PLD5: variants seen among roughly 807,000 people sequenced by gnomAD.
PLD5 encodes inactive phospholipase D5.
PLD5 carries 36 observed loss-of-function variants against 61.1 expected under a neutral mutation model. The ratio of observed to expected loss-of-function variants is 0.59; its 90% CI spans 0.45 to 0.78. The LOEUF is 0.78. PLD5 is among the 30% of genes least tolerant of loss of function. The probability of loss-of-function intolerance (pLI) is 0.00; values close to 1 mark genes in which losing one functional copy is unlikely to be tolerated. For missense variants in PLD5, 515 were observed against 644.4 expected (o/e 0.80, Z 2.17); for synonymous variants, 243 against 242.8 (o/e 1.00, Z -0.01).
chr1:242,283,545 A>C (rs2149130622), intron 3 of PLD5, among the ~76,000 whole-genome samples: 1 of 152,342 alleles, frequency 6.6e-6, no homozygotes, highest in East Asian at 1.9e-4. Flanking sequence ...CAACTAAAAA[A>C]ATATTATCTT....
chr1:242,141,801 C>T lies in PLD5; in HGVS notation c.736-17136G>A, dbSNP rs573192811. ...AAGGCAGGTACAGGAGCAGCCTCCCCTAGAATGAATCAGAATTCTGCTTTT... is the reference window on the plus strand; with the variant it reads ...AAGGCAGGTACAGGAGCAGCCTCCCTTAGAATGAATCAGAATTCTGCTTTT... On this transcript the variant is annotated intron_variant, in intron 5 of 9. Coordinates refer to ENST00000536534, the MANE Select transcript of PLD5 (RefSeq NM_001372062.1). 2.0e-5 allele frequency among the ~76,000 whole-genome samples: 3 copies of T among 152,172 alleles called. No individual in the cohort carries two copies. The East Asian group carries it at 5.8e-4, about 29-fold the overall frequency.
chr1:242,377,105 C>T lies in PLD5; in HGVS notation c.190-28863G>A, dbSNP rs1662007989. 2.5e-6 allele frequency: 4 copies of T among 1,611,724 alleles called. No individual in the cohort carries two copies. In the South Asian group the frequency reaches 4.4e-5, roughly 18 times the overall value. On this transcript the variant is annotated intron_variant, in intron 1 of 9. Transcript: ENST00000536534. ...GTTTGTTCTCCTGTTGGTTATCTTCCCCAGCCCCATTTTGCTTGGACACTG... is the reference window on the plus strand; with the variant it reads ...GTTTGTTCTCCTGTTGGTTATCTTCTCCAGCCCCATTTTGCTTGGACACTG...
chr1:242,187,658 CA>C (rs1667990818), intron 5 of PLD5, among the ~76,000 whole-genome samples: 1 of 152,116 alleles, frequency 6.6e-6, no homozygotes, highest in South Asian at 2.1e-4. Context: ...TTGTTAGATT[CA>C]CAGGCTGTTC....
intron 7 of PLD5, among the ~76,000 whole-genome samples, chr1:242,110,267 A>G (rs983104707): frequency 9.9e-5 from 15 of 151,696 alleles, no homozygotes; most frequent in Non-Finnish European, 1.6e-4. Flanking sequence ...CAAGGGGAGG[A>G]AGAGTGATTT....
rs376754928 is a variant in PLD5 at position 242,405,760 on chromosome 1, C to A, written c.190-57518G>T. 2.0e-5 allele frequency among the ~76,000 whole-genome samples: 3 copies of A among 152,202 alleles called. No individual in the cohort carries two copies. The East Asian group carries it at 5.8e-4, about 29-fold the overall frequency. On this transcript the variant is annotated intron_variant, in intron 1 of 9. Transcript: ENST00000536534. ...GGGATTAGAGGCACCCACTACCACACCTTGCTAATTTTTGTATTTTTAGTA... is the reference window on the plus strand; with the variant it reads ...GGGATTAGAGGCACCCACTACCACAACTTGCTAATTTTTGTATTTTTAGTA...
intron 1 of PLD5, among the ~76,000 whole-genome samples, chr1:242,522,456 G>A (rs1330521713): frequency 1.3e-5 from 2 of 152,170 alleles, no homozygotes; most frequent in South Asian, 2.1e-4. Flanking sequence ...TGCGTGCACC[G>A]CTCATGACTC....
intron 5 of PLD5, among the ~76,000 whole-genome samples, chr1:242,129,958 A>G (rs1663101956): frequency 6.6e-6 from 1 of 152,152 alleles, no homozygotes; most frequent in African/African-American, 2.4e-5. Context: ...CCATGTTGCT[A>G]TAAAAGACAT....
chr1:242,311,207 A>T (rs1408563011), intron 2 of PLD5, among the ~76,000 whole-genome samples: 2 of 152,178 alleles, frequency 1.3e-5, no homozygotes, highest in African/African-American at 4.8e-5. Flanking sequence ...ACTAAAAAAA[A>T]GTTTTTTTGG....
At chr1:242,422,066 A>G (rs1449758311) in intron 1 of PLD5, among the ~76,000 whole-genome samples, 2 of 152,192 alleles carry the variant, frequency 1.3e-5, no homozygotes, top group African/African-American at 4.8e-5. Context: ...TCATTTTTTC[A>G]ATCTGCTTCC....
chr1:242,125,252 A>G (rs1662693845), intron 5 of PLD5, among the ~76,000 whole-genome samples: 2 of 152,238 alleles, frequency 1.3e-5, no homozygotes, highest in Non-Finnish European at 2.9e-5. Flanking sequence ...TGTCTATCAC[A>G]TGGTAATCAC....
chr1:242,142,717 T>TCC (rs1208128422), intron 5 of PLD5, among the ~76,000 whole-genome samples: 1 of 85,038 alleles, frequency 1.2e-5, no homozygotes, highest in Non-Finnish European at 2.4e-5. Context: ...TGTGTCTTTC[T>TCC]CTCTCTCTCT....
chr1:242,316,376 T>C (rs556909129), intron 2 of PLD5, among the ~76,000 whole-genome samples: 48 of 152,298 alleles, frequency 3.2e-4, no homozygotes, highest in Non-Finnish European at 5.6e-4. Context: ...CATTCTCTCC[T>C]GGCAGAGGGC....
Position 242,224,233 on chromosome 1 carries a change from T to C in PLD5, c.608-4118A>G, listed in dbSNP as rs548503500. Among the ~76,000 whole-genome samples the C allele has an allele frequency of 2.0e-4, 31 of 152,322 alleles. No homozygotes were observed. The South Asian group carries it at 5.8e-3, about 28-fold the overall frequency. On this transcript the variant is annotated intron_variant, in intron 4 of 9. Coordinates refer to ENST00000536534, the MANE Select transcript of PLD5 (RefSeq NM_001372062.1). ...AGTAATTTTTCATGCATTACACTTA[T>C]GCAAATACAGACAATATATAATAAA...
At chr1:242,222,280 CAT>C (rs1321398567) in intron 4 of PLD5, among the ~76,000 whole-genome samples, 1 of 152,178 alleles carries the variant, frequency 6.6e-6, no homozygotes. Flanking sequence ...ACATCTTCTA[CAT>C]ATCTTTCTGG....
chr1:242,413,889 AAGG>A (rs775810838), intron 1 of PLD5, among the ~76,000 whole-genome samples: 19 of 152,290 alleles, frequency 1.2e-4, no homozygotes, highest in Non-Finnish European at 2.4e-4. Flanking sequence ...AAGTTAGGAG[AAGG>A]AGTAGGGAGA....
Position 242,524,120 on chromosome 1 carries a change from C to T in PLD5, c.157G>A (p.Val53Ile). 2 of 1,535,234 alleles carry T rather than the reference C, an allele frequency of 1.3e-6. No homozygotes were observed. Among genetic ancestry groups the T allele is most frequent in the Non-Finnish European group, 1.7e-6 (2 of 1,146,384 alleles). Reference sequence around the variant, plus strand: ...AGCTTGTCTTTCCTCCGAAGCCAGACGCTGGCGCTGTAGTCCTGCTGCTTG... The same window carrying T: ...AGCTTGTCTTTCCTCCGAAGCCAGATGCTGGCGCTGTAGTCCTGCTGCTTG... ...SVKQQDYSASVWLRRKDKLEH... is the reference protein window; with the variant it reads ...SVKQQDYSASIWLRRKDKLEH... Residue 53 changes from valine to isoleucine, a missense_variant, in exon 1 of 10, where the codon GTC (valine) becomes ATC (isoleucine). Coordinates refer to ENST00000536534, the MANE Select transcript of PLD5 (RefSeq NM_001372062.1).
At chr1:242,509,319 C>T (rs1182678488) in intron 1 of PLD5, among the ~76,000 whole-genome samples, 1 of 152,046 alleles carries the variant, frequency 6.6e-6, no homozygotes, top group African/African-American at 2.4e-5. Flanking sequence ...GTGGAGGTTT[C>T]AGTGAGCTGA....
At chr1:242,163,731 G>C (rs1027153884) in intron 5 of PLD5, among the ~76,000 whole-genome samples, 10 of 151,938 alleles carry the variant, frequency 6.6e-5, no homozygotes, top group African/African-American at 1.9e-4. Flanking sequence ...GCAAAGTAAG[G>C]AGAGAAAGAA....
intron 8 of PLD5, among the ~76,000 whole-genome samples, 195 bp from the exon 9 acceptor site, chr1:242,100,977 G>A (rs113009549): frequency 8.6e-4 from 131 of 152,244 alleles, no homozygotes; most frequent in African/African-American, 2.4e-3. Context: ...GAAAATTAGC[G>A]TGCTCAACTA....
Sources: gnomAD v4.1 joint callset for allele counts (sites outside exome capture counted in the v4.1 genomes callset) on GRCh38, gnomAD v4.1.1 for gene constraint, MANE v1.5 for transcripts, NCBI Gene and HGNC (gene_info 2026-07-23, HGNC 2026-07-21) for gene names.